Variants in RALGAPA2 observed in about 807,000 individuals in gnomAD.
RALGAPA2 encodes ral GTPase-activating protein subunit alpha-2.
Under a neutral mutation model 230.4 loss-of-function variants are expected in RALGAPA2, and 139 were observed. The ratio of observed to expected loss-of-function variants is 0.60; its 90% CI spans 0.53 to 0.69. The LOEUF is 0.69. Ranked by LOEUF, RALGAPA2 falls within the 30% of genes least tolerant of loss-of-function variation. The pLI, the probability that RALGAPA2 is intolerant of heterozygous loss-of-function variation, is 0.00. For missense variants in RALGAPA2, 2,163 were observed against 2,276.0 expected (o/e 0.95, Z 1.01); for synonymous variants, 847 against 837.8 (o/e 1.01, Z -0.19).
chr20:20,531,852 A>C, intron 26 of RALGAPA2, 57 bp from the exon 27 acceptor site: 2 of 1,290,954 alleles, frequency 1.5e-6, no homozygotes, highest in Non-Finnish European at 2.2e-6. Flanking sequence ...ATACTTTCTC[A>C]GTATTTTCAA....
chr20:20,597,206 C>A (rs943100107), intron 16 of RALGAPA2, among the ~76,000 whole-genome samples: 3 of 152,066 alleles, frequency 2.0e-5, no homozygotes, highest in Non-Finnish European at 2.9e-5. Context: ...GAAAAAAATT[C>A]TTTTGGGGTG....
chr20:20,579,753 TAG>T (rs894704762), intron 20 of RALGAPA2, among the ~76,000 whole-genome samples: 10 of 152,188 alleles, frequency 6.6e-5, no homozygotes, highest in African/African-American at 2.4e-4. Flanking sequence ...TGGCGTGAGG[TAG>T]GAATTCTATT....
intron 1 of RALGAPA2, among the ~76,000 whole-genome samples, chr20:20,699,862 T>G (rs1426743900): frequency 6.6e-6 from 1 of 152,210 alleles, no homozygotes; most frequent in Non-Finnish European, 1.5e-5. Flanking sequence ...TTGGTGGGAA[T>G]GTAAATTAGC....
intron 27 of RALGAPA2, among the ~76,000 whole-genome samples, chr20:20,531,075 T>A (rs2063354756): frequency 6.6e-6 from 1 of 152,220 alleles, no homozygotes; most frequent in Admixed American, 6.5e-5. Context: ...CCATCACTTA[T>A]ACCTGTGTGG....
chr20:20,461,295 T>C (rs1331061061), intron 37 of RALGAPA2, among the ~76,000 whole-genome samples: 2 of 152,236 alleles, frequency 1.3e-5, no homozygotes, highest in African/African-American at 4.8e-5. Context: ...AAAAATTATA[T>C]GAAAATACTC....
chr20:20,535,049 T>C (rs1602687006), intron 26 of RALGAPA2, among the ~76,000 whole-genome samples: 2 of 152,220 alleles, frequency 1.3e-5, no homozygotes, highest in South Asian at 2.1e-4. Context: ...AATCATCAAA[T>C]AGCTGGTAAG....
chr20:20,576,872 C>G (rs2064835613), intron 20 of RALGAPA2, among the ~76,000 whole-genome samples: 1 of 151,884 alleles, frequency 6.6e-6, no homozygotes, highest in Non-Finnish European at 1.5e-5. Context: ...ATCAGTCTTG[C>G]CTGTTTGTCT....
chr20:20,651,700 A>T (rs570328936), intron 4 of RALGAPA2, among the ~76,000 whole-genome samples: 2 of 152,340 alleles, frequency 1.3e-5, no homozygotes, highest in South Asian at 4.1e-4. Context: ...TAGTCCTAAT[A>T]AGTTTATTCA....
chr20:20,458,429 GTATTTT>G lies in RALGAPA2; in HGVS notation c.5495+14394_5495+14399del, dbSNP rs1218966258. On this transcript the variant is annotated intron_variant, in intron 37 of 39. Coordinates refer to ENST00000202677, the MANE Select transcript of RALGAPA2 (RefSeq NM_020343.4). ...AATATATGTTATATATAATATATAT[GTATTTT>G]TTATATTACATATAATACATATGTA... Among the ~76,000 whole-genome samples the G allele has an allele frequency of 1.5e-3, 202 of 132,994 alleles. 5 individuals are homozygous for G. The highest frequency in any genetic ancestry group is 0.012 in the East Asian group (55 of 4,424). The allele number at this position is 132,994 out of a possible 152,430, so 87.2% of individuals were successfully genotyped here.
At position 20,641,278 on chromosome 20, in the gene RALGAPA2, T is replaced by C. The variant is rs185601041; in HGVS notation, c.373-400A>G. ...CTCCCAGTAAGCACTATGTAAGTGTTTCCTGTTAATAGTATCTTATTCTGT... is the reference window on the plus strand; with the variant it reads ...CTCCCAGTAAGCACTATGTAAGTGTCTCCTGTTAATAGTATCTTATTCTGT... On this transcript the variant is annotated intron_variant, in intron 5 of 39. Transcript: ENST00000202677. 1.3e-4 allele frequency among the ~76,000 whole-genome samples: 20 copies of C among 152,324 alleles called. No individual in the cohort carries two copies. In the East Asian group the frequency reaches 3.7e-3, roughly 28 times the overall value.
chr20:20,574,204 T>C (rs1221856879), intron 20 of RALGAPA2, among the ~76,000 whole-genome samples: 1 of 152,124 alleles, frequency 6.6e-6, no homozygotes, highest in Non-Finnish European at 1.5e-5. Flanking sequence ...GACTAAAGAT[T>C]TTAAGCATGC....
chr20:20,543,631 C>CA (rs1311625328), intron 24 of RALGAPA2, among the ~76,000 whole-genome samples: 1 of 151,982 alleles, frequency 6.6e-6, no homozygotes, highest in Non-Finnish European at 1.5e-5. Context: ...ATCGCAAGGA[C>CA]AAAAAACCAA....
At chr20:20,515,856 G>A (rs377260479) in intron 31 of RALGAPA2, among the ~76,000 whole-genome samples, 121 of 151,932 alleles carry the variant, frequency 8.0e-4, no homozygotes, top group African/African-American at 2.6e-3. Context: ...GGGCGGGGGG[G>A]GCAGGGAAGT....
intron 13 of RALGAPA2, among the ~76,000 whole-genome samples, chr20:20,611,806 A>C (rs1231435025): frequency 6.6e-6 from 1 of 152,224 alleles, no homozygotes; most frequent in Non-Finnish European, 1.5e-5. Context: ...CCACTGTTTT[A>C]CTTAACCTGT....
At chr20:20,632,689 A>T (rs2066716025) in intron 9 of RALGAPA2, among the ~76,000 whole-genome samples, 1 of 152,218 alleles carries the variant, frequency 6.6e-6, no homozygotes, top group Non-Finnish European at 1.5e-5. Context: ...TCTGCCTGAT[A>T]AGTGAATAAA....
chr20:20,516,449 G>A (rs1443548464), intron 31 of RALGAPA2, among the ~76,000 whole-genome samples: 3 of 152,210 alleles, frequency 2.0e-5, no homozygotes, highest in African/African-American at 7.2e-5. Flanking sequence ...ATCTACAGAT[G>A]GAATAACACT....
In RALGAPA2 at chr20:20,639,812, T is replaced by C; in HGVS notation, c.639A>G (p.Gln213=). ...GAATAACCATATACTTCAACAGTAT[T>C]TGAAGAAAAAAGCAGGTTTGGTCCT... The part of the protein sequence containing the change: ...IAEDQTCFFL[Q]ILLKYMVIQA... The change falls in exon 7 of 40, where the codon CAA becomes CAG. Residue 213 remains glutamine (Q), a synonymous_variant. Transcript: ENST00000202677. The C allele has an allele frequency of 6.2e-7, 1 of 1,612,082 alleles. No individual in the cohort carries two copies. The highest frequency in any genetic ancestry group is 8.5e-7 in the Non-Finnish European group (1 of 1,178,166).
At position 20,531,802 on chromosome 20, in the gene RALGAPA2, A is replaced by T. The variant is rs1219804110; in HGVS notation, c.3474-7T>A. 1 of 1,573,158 alleles carries T rather than the reference A, an allele frequency of 6.4e-7. No homozygotes were observed. Among genetic ancestry groups the T allele is most frequent in the Non-Finnish European group, 8.6e-7 (1 of 1,156,096 alleles). ...GGAGCAAACAGCAATGCATCTTTTT[A>T]AAAAGAAGAAAACAGAGGAAAACTC... On this transcript the variant is annotated splice_polypyrimidine_tract_variant and splice_region_variant and intron_variant, in intron 26 of 39. Coordinates refer to ENST00000202677, the MANE Select transcript of RALGAPA2 (RefSeq NM_020343.4).
intron 10 of RALGAPA2, among the ~76,000 whole-genome samples, chr20:20,628,832 G>A (rs73294712): frequency 1.3e-5 from 2 of 152,034 alleles, no homozygotes; most frequent in African/African-American, 2.4e-5. Flanking sequence ...ACCTCTTTTC[G>A]TGTCTTGGCC....
Sources: gnomAD v4.1 joint callset for allele counts (sites outside exome capture counted in the v4.1 genomes callset) on GRCh38, gnomAD v4.1.1 for gene constraint, MANE v1.5 for transcripts, NCBI Gene and HGNC (gene_info 2026-07-23, HGNC 2026-07-21) for gene names.